Variants in ZMYND11 observed in about 807,000 individuals in gnomAD.
ZMYND11 encodes zinc finger MYND domain-containing protein 11.
ZMYND11 carries 9 observed loss-of-function variants against 84.9 expected under a neutral mutation model. That is an observed-to-expected ratio of 0.11 (90% CI 0.06 to 0.18). The LOEUF is 0.18. Among genes scored for constraint, ZMYND11 ranks in the 10% least tolerant of loss-of-function variants. The pLI is 1.00. For missense variants in ZMYND11, 409 were observed against 761.0 expected (o/e 0.54, Z 5.44); for synonymous variants, 250 against 244.1 (o/e 1.02, Z -0.23).
chr10:191,854 C>T (rs1038549583), intron 2 of ZMYND11, among the ~76,000 whole-genome samples: 5 of 152,054 alleles, frequency 3.3e-5, no homozygotes, highest in African/African-American at 9.7e-5. Flanking sequence ...GCTTGGCCAC[C>T]GTAAGTTATT....
intron 1 of ZMYND11, among the ~76,000 whole-genome samples, chr10:173,986 G>C (rs1279686103): frequency 6.6e-6 from 1 of 152,180 alleles, no homozygotes; most frequent in Non-Finnish European, 1.5e-5. Context: ...CACTTGGGAA[G>C]ACAGTTTGGC....
chr10:246,680 G>A, intron 10 of ZMYND11, 86 bp from the exon 11 acceptor site: 1 of 1,303,940 alleles, frequency 7.7e-7, no homozygotes, highest in East Asian at 2.5e-5. Flanking sequence ...GCACTTTATG[G>A]CAGGCAGGGT....
At chr10:230,498 A>C (rs1226090113) in intron 4 of ZMYND11, among the ~76,000 whole-genome samples, 6 of 119,468 alleles carry the variant, frequency 5.0e-5, no homozygotes, top group South Asian at 2.8e-4. Flanking sequence ...AAAAAAAAAA[A>C]AAACTACAGC....
chr10:199,722 T>C (rs1278980662), intron 2 of ZMYND11, among the ~76,000 whole-genome samples: 4 of 152,198 alleles, frequency 2.6e-5, no homozygotes, highest in Non-Finnish European at 5.9e-5. Flanking sequence ...TCTGAGCCAC[T>C]GTGGCCTGCC....
chr10:232,810 C>T (rs1222810865), intron 4 of ZMYND11, among the ~76,000 whole-genome samples: 1 of 152,164 alleles, frequency 6.6e-6, no homozygotes, highest in Non-Finnish European at 1.5e-5. Flanking sequence ...AAAAACCAAC[C>T]CAAATACTTA....
Position 179,176 on chromosome 10 carries a change from G to A in ZMYND11, c.-19-818G>A, listed in dbSNP as rs532145657. ...ACGCTTACCAGATTCCTACAAGCAC[G>A]TCTCTCCATGCTGAGTTAAGAGAAT... On this transcript the variant is annotated intron_variant, in intron 1 of 14. Transcript: ENST00000381604. Among the ~76,000 whole-genome samples, 7 of 152,262 alleles carry A rather than the reference G, an allele frequency of 4.6e-5. 1 individual carries two copies. Among genetic ancestry groups the A allele is most frequent in the African/African-American group, 1.7e-4 (7 of 41,542 alleles).
intron 2 of ZMYND11, among the ~76,000 whole-genome samples, chr10:209,000 T>C (rs1264725540): frequency 6.6e-6 from 1 of 151,814 alleles, no homozygotes; most frequent in Non-Finnish European, 1.5e-5. Context: ...TACATTGACA[T>C]TGATGTGTGT....
At chr10:175,596 C>G (rs1846433382) in intron 1 of ZMYND11, among the ~76,000 whole-genome samples, 2 of 152,174 alleles carry the variant, frequency 1.3e-5, no homozygotes, top group South Asian at 4.2e-4. Context: ...AAATAAAAAA[C>G]TACAAAATAT....
chr10:248,672 T>A, intron 13 of ZMYND11, 64 bp downstream of exon 13: 1 of 1,523,926 alleles, frequency 6.6e-7, no homozygotes, highest in Non-Finnish European at 8.8e-7. Context: ...GTTAGGCTCC[T>A]TTCACTCATG....
intron 3 of ZMYND11, among the ~76,000 whole-genome samples, chr10:210,729 A>AT (rs1418875629): frequency 1.3e-5 from 2 of 152,030 alleles, no homozygotes; most frequent in African/African-American, 2.4e-5. Context: ...ATCGAAGTAC[A>AT]TTTTTTTCTT....
intron 3 of ZMYND11, among the ~76,000 whole-genome samples, chr10:211,882 A>G (rs1038568928): frequency 6.6e-6 from 1 of 152,192 alleles, no homozygotes; most frequent in East Asian, 1.9e-4. Flanking sequence ...GTATCAGTCT[A>G]TTGCCTCAGG....
chr10:155,808 C>G (rs1477157559), intron 1 of ZMYND11, among the ~76,000 whole-genome samples: 1 of 152,070 alleles, frequency 6.6e-6, no homozygotes, highest in South Asian at 2.1e-4. Context: ...CCTCTTTTAC[C>G]ATAACCAAAG....
chr10:221,462 C>T (rs113687592), intron 4 of ZMYND11, 106 bp downstream of exon 4: 1 of 1,143,120 alleles, frequency 8.7e-7, no homozygotes. Context: ...GGATAAAGGA[C>T]TGGAGGGTGG....
At chr10:178,502 C>T (rs1847156118) in intron 1 of ZMYND11, among the ~76,000 whole-genome samples, 2 of 152,154 alleles carry the variant, frequency 1.3e-5, no homozygotes, top group African/African-American at 2.4e-5. Context: ...AAAGTTGGTG[C>T]TCCAACACAA....
chr10:169,649 AG>A (rs1844818507), intron 1 of ZMYND11, among the ~76,000 whole-genome samples: 4 of 152,170 alleles, frequency 2.6e-5, no homozygotes, highest in African/African-American at 9.6e-5. Flanking sequence ...GACCGTAAAA[AG>A]CCTTTGGTGG....
chr10:221,754 A>G (rs111842928), intron 4 of ZMYND11, among the ~76,000 whole-genome samples: 2 of 152,214 alleles, frequency 1.3e-5, no homozygotes, highest in Non-Finnish European at 2.9e-5. Context: ...GGCATTCTGT[A>G]TCTATTTCCC....
Position 237,689 on chromosome 10 carries a change from T to C in ZMYND11, c.609+12T>C. On this transcript the variant is annotated intron_variant, in intron 6 of 14. Transcript: ENST00000381604. ...CCACCATTCAAGAGGTAAAGTCGGT[T>C]TCTTTTATTTCCACTTCAAGTACAT... 6.3e-7 allele frequency: 1 copy of C among 1,585,938 alleles called. No homozygotes were observed. Among genetic ancestry groups the C allele is most frequent in the Non-Finnish European group, 8.6e-7 (1 of 1,163,804 alleles).
At chr10:210,562 A>G (rs894554295) in intron 3 of ZMYND11, among the ~76,000 whole-genome samples, 17 of 152,200 alleles carry the variant, frequency 1.1e-4, no homozygotes, top group African/African-American at 4.1e-4. Flanking sequence ...GACAATTGCA[A>G]GTTTTGTGTA....
At chr10:161,376 C>T (rs1011259911) in intron 1 of ZMYND11, among the ~76,000 whole-genome samples, 14 of 152,198 alleles carry the variant, frequency 9.2e-5, no homozygotes, top group Admixed American at 5.9e-4. Context: ...CTACACAACA[C>T]GGGCAGAGTA....
Sources: allele counts gnomAD v4.1 joint callset (sites outside exome capture counted in the v4.1 genomes callset), GRCh38; gene constraint gnomAD v4.1.1; transcripts MANE v1.5; gene names NCBI Gene and HGNC (gene_info 2026-07-23, HGNC 2026-07-21).